Variants in SPAG16 observed in about 807,000 individuals in gnomAD.
SPAG16 encodes the protein sperm-associated antigen 16 protein.
In SPAG16, 86 loss-of-function variants were observed where a neutral mutation model predicts 80.4. That is an observed-to-expected ratio of 1.07 (90% confidence interval 0.90 to 1.28). The LOEUF (loss-of-function observed/expected upper bound fraction) is 1.28. SPAG16 is among the 50% of genes most tolerant of loss of function. The probability of loss-of-function intolerance (pLI) is 0.00; values close to 1 mark genes in which losing one functional copy is unlikely to be tolerated. For synonymous variants in SPAG16, 294 were observed against 265.9 expected (o/e 1.11, Z -1.03); for missense variants, 870 against 765.3 (o/e 1.14, Z -1.61).
chr2:213,864,107 T>C lies in SPAG16; in HGVS notation c.1214+1479T>C, dbSNP rs556037949. On this transcript the variant is annotated intron_variant, in intron 11 of 15. Transcript: ENST00000331683. ...AGAAACAACAACAAAAAAAGCTCTATTTTGGTTTATTTGTGGTGAAACACA... is the reference window on the plus strand; with the variant it reads ...AGAAACAACAACAAAAAAAGCTCTACTTTGGTTTATTTGTGGTGAAACACA... Among the ~76,000 whole-genome samples the C allele has an allele frequency of 2.0e-5, 3 of 152,200 alleles. No homozygotes were observed. The Middle Eastern group carries it at 0.01, about 518-fold the overall frequency.
chr2:213,354,299 G>T (rs2065503466), intron 7 of SPAG16, among the ~76,000 whole-genome samples: 1 of 152,118 alleles, frequency 6.6e-6, no homozygotes, highest in South Asian at 2.1e-4. Flanking sequence ...ATGGACATTT[G>T]GGTTGGTTCC....
intron 15 of SPAG16, among the ~76,000 whole-genome samples, chr2:214,315,661 G>T (rs1032160873): frequency 3.3e-5 from 5 of 151,982 alleles, no homozygotes; most frequent in African/African-American, 1.2e-4. Flanking sequence ...TACTCTGAGT[G>T]TCTGGGACTA....
intron 10 of SPAG16, among the ~76,000 whole-genome samples, chr2:213,585,000 C>A (rs1241504038): frequency 6.6e-6 from 1 of 151,412 alleles, no homozygotes; most frequent in Non-Finnish European, 1.5e-5. Flanking sequence ...ATCAGCCTGG[C>A]CAACATGGCG....
At chr2:213,967,162 T>C (rs1051820688) in intron 12 of SPAG16, among the ~76,000 whole-genome samples, 12 of 152,220 alleles carry the variant, frequency 7.9e-5, no homozygotes, top group Admixed American at 4.6e-4. Flanking sequence ...TATATAGTTA[T>C]TGTTATTTAC....
At chr2:213,402,584 AC>A (rs2068376107) in intron 9 of SPAG16, among the ~76,000 whole-genome samples, 1 of 120,174 alleles carries the variant, frequency 8.3e-6, no homozygotes, top group Non-Finnish European at 1.8e-5. Context: ...CCCTCCCCAC[AC>A]CCCACAACAG....
At chr2:214,017,620 C>A (rs543395603) in intron 13 of SPAG16, among the ~76,000 whole-genome samples, 45 of 152,208 alleles carry the variant, frequency 3.0e-4, no homozygotes, top group Admixed American at 1.3e-3. Context: ...TGATGGTGAC[C>A]TTCCTCCCTC....
intron 9 of SPAG16, among the ~76,000 whole-genome samples, chr2:213,384,590 A>G (rs1173284101): frequency 6.6e-6 from 1 of 152,168 alleles, no homozygotes; most frequent in Non-Finnish European, 1.5e-5. Flanking sequence ...ATTGTTACCT[A>G]AGCCTCTGGG....
At chr2:214,092,899 G>A (rs1046954479) in intron 13 of SPAG16, among the ~76,000 whole-genome samples, 1 of 150,872 alleles carries the variant, frequency 6.6e-6, no homozygotes, top group African/African-American at 2.4e-5. Context: ...GGACTCTTGT[G>A]CCTTGATTCT....
At chr2:214,242,082 TG>T (rs1371722772) in intron 15 of SPAG16, among the ~76,000 whole-genome samples, 4 of 152,236 alleles carry the variant, frequency 2.6e-5, no homozygotes, top group African/African-American at 9.6e-5. Flanking sequence ...TTTCTCAGAC[TG>T]GTTTGCTAAG....
chr2:213,388,574 T>TA (rs1446035235), intron 9 of SPAG16, among the ~76,000 whole-genome samples: 1 of 152,080 alleles, frequency 6.6e-6, no homozygotes, highest in Non-Finnish European at 1.5e-5. Context: ...TAAATTTTTT[T>TA]AAAAAATAAA....
chr2:213,658,504 G>C (rs2063302955), intron 10 of SPAG16, among the ~76,000 whole-genome samples: 1 of 152,172 alleles, frequency 6.6e-6, no homozygotes, highest in Admixed American at 6.5e-5. Flanking sequence ...TAATGAGCCA[G>C]TTATCATGGG....
intron 9 of SPAG16, among the ~76,000 whole-genome samples, chr2:213,377,337 A>G (rs1399283589): frequency 6.6e-6 from 1 of 152,184 alleles, no homozygotes; most frequent in African/African-American, 2.4e-5. Flanking sequence ...TAACAACTTT[A>G]TTTATGTGAC....
At chr2:213,366,137 G>A (rs573488391) in intron 8 of SPAG16, among the ~76,000 whole-genome samples, 71 of 112,606 alleles carry the variant, frequency 6.3e-4, no homozygotes, top group African/African-American at 2.1e-3. Context: ...GCGAGACTCC[G>A]TCTCAAAAAA....
At chr2:214,155,739 C>A (rs538265476) in intron 15 of SPAG16, among the ~76,000 whole-genome samples, 2 of 152,272 alleles carry the variant, frequency 1.3e-5, no homozygotes, top group South Asian at 4.1e-4. Flanking sequence ...AACATTAACT[C>A]ACACCTCTGG....
chr2:214,402,683 A>G (rs1701778298), intron 15 of SPAG16, among the ~76,000 whole-genome samples: 1 of 151,962 alleles, frequency 6.6e-6, no homozygotes, highest in Non-Finnish European at 1.5e-5. Flanking sequence ...ATACTTACCT[A>G]AAGATGTGGA....
chr2:214,319,406 G>C (rs1400466162), intron 15 of SPAG16, among the ~76,000 whole-genome samples: 1 of 151,712 alleles, frequency 6.6e-6, no homozygotes, highest in Non-Finnish European at 1.5e-5. Flanking sequence ...GGCTGTGTGG[G>C]AGAGAAGAGC....
At chr2:214,081,799 C>G (rs1044340758) in intron 13 of SPAG16, among the ~76,000 whole-genome samples, 1 of 151,936 alleles carries the variant, frequency 6.6e-6, no homozygotes, top group African/African-American at 2.4e-5. Flanking sequence ...ATTTGCCTCA[C>G]ATTGCAACAT....
At chr2:213,718,149 C>CAAAAAAAAAAAAAAAAAA (rs71063769) in intron 10 of SPAG16, among the ~76,000 whole-genome samples, 1 of 92,250 alleles carries the variant, frequency 1.1e-5, no homozygotes, top group Non-Finnish European at 2.0e-5. Context: ...AACAAGTTTA[C>CAAAAAAAAAAAAAAAAAA]AAAAAAAAAA....
intron 11 of SPAG16, among the ~76,000 whole-genome samples, chr2:213,899,556 T>A (rs2077131946): frequency 6.6e-6 from 1 of 152,134 alleles, no homozygotes; most frequent in African/African-American, 2.4e-5. Context: ...TAGAATTCTG[T>A]GATACATGAC....
Sources: gnomAD v4.1 joint callset for allele counts (sites outside exome capture counted in the v4.1 genomes callset) on GRCh38, gnomAD v4.1.1 for gene constraint, MANE v1.5 for transcripts, NCBI Gene and HGNC (gene_info 2026-07-23, HGNC 2026-07-21) for gene names.